FRS2: variants seen among roughly 807,000 people sequenced by gnomAD.
The protein encoded by FRS2 is FGFR signalling adaptor.
A neutral mutation model predicts 43.9 loss-of-function variants in FRS2; 8 were observed. The observed-to-expected ratio is 0.18, with a 90% confidence interval of 0.11 to 0.33. The LOEUF (loss-of-function observed/expected upper bound fraction) is 0.33, where lower values mean the gene tolerates loss of function less well. Ranked by LOEUF, FRS2 falls within the 10% of genes least tolerant of loss-of-function variation. The pLI is 1.00. For missense variants in FRS2, 534 were observed against 627.6 expected (o/e 0.85, Z 1.59); for synonymous variants, 219 against 220.3 (o/e 0.99, Z 0.05).
intron 1 of FRS2, among the ~76,000 whole-genome samples, chr12:69,470,907 C>G (rs934626543): frequency 6.6e-6 from 1 of 152,124 alleles, no homozygotes; most frequent in Non-Finnish European, 1.5e-5. Context: ...CAGACTCAAT[C>G]TTGGGCTCCA....
chr12:69,485,678 G>C (rs1871870372), intron 1 of FRS2, among the ~76,000 whole-genome samples: 2 of 151,758 alleles, frequency 1.3e-5, no homozygotes, highest in South Asian at 4.2e-4. Context: ...ATTTTGGCCA[G>C]GCTGGTCTGG....
intron 3 of FRS2, among the ~76,000 whole-genome samples, chr12:69,557,619 T>TGTGCGCGC (rs1555192498): frequency 0.026 from 3,042 of 118,788 alleles, 26 homozygotes; most frequent in Non-Finnish European, 0.028. Flanking sequence ...TGTGTGTGTG[T>TGTGCGCGC]GCGCGCGCGC....
In FRS2 at chr12:69,577,413, C is replaced by T. The variant is rs537435835; in HGVS notation, c.*2458C>T. On this transcript the variant is annotated 3_prime_UTR_variant, in exon 9 of 9. Coordinates refer to ENST00000549921, the MANE Select transcript of FRS2 (RefSeq NM_001278356.2). Reference sequence around the variant, plus strand: ...AGTAATGGGCATTAAGCTGTGTCCTCGAAGGATGTACCTATTACTAGGTGC... The same window carrying T: ...AGTAATGGGCATTAAGCTGTGTCCTTGAAGGATGTACCTATTACTAGGTGC... 2 of 152,124 alleles carry T rather than the reference C, an allele frequency of 1.3e-5. No homozygotes were observed. Among genetic ancestry groups the T allele is most frequent in the Admixed American group, 1.3e-4 (2 of 15,288 alleles). The allele number at this position is 152,124 out of a possible 1,614,324, so 9.4% of individuals were successfully genotyped here. A position where few individuals can be genotyped will look rare whatever the true frequency, so the allele number is the denominator to read the frequency against.
At chr12:69,567,264 T>C (rs1271547981) in intron 4 of FRS2, among the ~76,000 whole-genome samples, 1 of 152,242 alleles carries the variant, frequency 6.6e-6, no homozygotes, top group African/African-American at 2.4e-5. Context: ...TTAGCTGGCA[T>C]ATTAGTTAAA....
chr12:69,548,111 C>T (rs1176482868), intron 3 of FRS2, among the ~76,000 whole-genome samples: 1 of 152,088 alleles, frequency 6.6e-6, no homozygotes, highest in Non-Finnish European at 1.5e-5. Flanking sequence ...CCTTAGCCTC[C>T]CGAGTTGCTG....
rs193131135 is a variant in FRS2 at position 69,512,719 on chromosome 12, C to T, written c.-260-18146C>T. Among the ~76,000 whole-genome samples the T allele has an allele frequency of 6.0e-4, 91 of 152,184 alleles. 1 individual carries two copies. The highest frequency in any genetic ancestry group is 3.4e-3 in the Middle Eastern group (1 of 294). On this transcript the variant is annotated intron_variant, in intron 1 of 8. Coordinates refer to ENST00000549921, the MANE Select transcript of FRS2 (RefSeq NM_001278356.2). Reference sequence around the variant, plus strand: ...AATGATTTTACTTTATAACACATCCCGGGCATTACCTAGAAATGAAGTTAT... The same window carrying T: ...AATGATTTTACTTTATAACACATCCTGGGCATTACCTAGAAATGAAGTTAT...
At chr12:69,545,395 T>C (rs1426520321) in intron 3 of FRS2, among the ~76,000 whole-genome samples, 1 of 152,108 alleles carries the variant, frequency 6.6e-6, no homozygotes, top group Non-Finnish European at 1.5e-5. Flanking sequence ...ACTACAAAGC[T>C]ACAGTAATCA....
intron 1 of FRS2, among the ~76,000 whole-genome samples, chr12:69,492,378 T>G (rs994780251): frequency 1.1e-4 from 17 of 152,346 alleles, no homozygotes; most frequent in African/African-American, 4.1e-4. Flanking sequence ...GGGATCCTGA[T>G]ATCTGTGATT....
In FRS2 at chr12:69,571,519, A is replaced by T. The variant is rs710778; in HGVS notation, c.412+85A>T. The T allele has an allele frequency of 2.5e-3, 2,577 of 1,031,594 alleles. 47 individuals are homozygous for T. In the African/African-American group the frequency reaches 0.037, roughly 15 times the overall value. 63.9% of individuals were successfully genotyped at this position (1,031,594 alleles called of 1,614,324 possible). On this transcript the variant is annotated intron_variant, in intron 7 of 8. Transcript: ENST00000549921. ...ATTGTGGGTATTTAATCAATAACAC[A>T]CTAGAAATCACCACTGGATAACAGA...
intron 4 of FRS2, among the ~76,000 whole-genome samples, chr12:69,568,016 C>CCCTCCT (rs1264964566): frequency 3.3e-5 from 5 of 152,316 alleles, no homozygotes; most frequent in African/African-American, 9.6e-5. Context: ...GTGCTTCCTT[C>CCCTCCT]CCTCCTCCTT....
intron 4 of FRS2, among the ~76,000 whole-genome samples, chr12:69,566,145 T>C (rs1401618501): frequency 6.6e-6 from 1 of 152,180 alleles, no homozygotes; most frequent in South Asian, 2.1e-4. Context: ...ACATTTGTTA[T>C]GTGGCTCATG....
At position 69,579,412 on chromosome 12, in the gene FRS2, CA is replaced by C. The variant is rs59802887; in HGVS notation, c.*4460del. On this transcript the variant is annotated 3_prime_UTR_variant, in exon 9 of 9. Coordinates refer to ENST00000549921, the MANE Select transcript of FRS2 (RefSeq NM_001278356.2). ...TGGAGAAGTCAGAGTTCTTTACAAT[CA>C]AACGTTTATTAACTGGAGTACTTAG... The C allele has an allele frequency of 0.4, 61,027 of 152,454 alleles. 12,864 individuals are homozygous for C. Among genetic ancestry groups the C allele is most frequent in the South Asian group, 0.53 (2,534 of 4,822 alleles). 9.4% of individuals were successfully genotyped at this position (152,454 alleles called of 1,614,324 possible).
intron 1 of FRS2, among the ~76,000 whole-genome samples, chr12:69,491,908 T>C (rs1159561026): frequency 4.6e-5 from 7 of 152,242 alleles, no homozygotes; most frequent in African/African-American, 1.7e-4. Context: ...GGATATACAA[T>C]AGCATTTTTG....
intron 1 of FRS2, among the ~76,000 whole-genome samples, chr12:69,515,494 G>A (rs1422886380): frequency 6.6e-6 from 1 of 152,162 alleles, no homozygotes; most frequent in African/African-American, 2.4e-5. Context: ...GTGAGAGACA[G>A]GCTGACATAA....
intron 1 of FRS2, among the ~76,000 whole-genome samples, chr12:69,489,816 GTT>G (rs35733726): frequency 9.7e-5 from 14 of 144,754 alleles, no homozygotes; most frequent in Admixed American, 4.1e-4. Context: ...AGTTTTTGGG[GTT>G]TTTTTTTTTG....
At chr12:69,550,806 C>T (rs1312877750) in intron 3 of FRS2, among the ~76,000 whole-genome samples, 2 of 152,160 alleles carry the variant, frequency 1.3e-5, no homozygotes, top group Non-Finnish European at 2.9e-5. Flanking sequence ...AACTTTAAGG[C>T]TTCAACATGA....
intron 5 of FRS2, among the ~76,000 whole-genome samples, chr12:69,570,101 T>G (rs1880620946): frequency 6.6e-6 from 1 of 152,248 alleles, no homozygotes; most frequent in Non-Finnish European, 1.5e-5. Flanking sequence ...CTTTGTCAAT[T>G]AATCATACAC....
chr12:69,557,303 A>G (rs889218681), intron 3 of FRS2, among the ~76,000 whole-genome samples: 2 of 152,280 alleles, frequency 1.3e-5, no homozygotes, highest in African/African-American at 4.8e-5. Flanking sequence ...TTGATCTACA[A>G]TGTTTACAGA....
At chr12:69,489,841 G>T (rs1396935102) in intron 1 of FRS2, among the ~76,000 whole-genome samples, 1 of 150,394 alleles carries the variant, frequency 6.6e-6, no homozygotes. Flanking sequence ...TTTTCTGGGG[G>T]TCATTAGCCT....
Sources: gnomAD v4.1 joint callset for allele counts (sites outside exome capture counted in the v4.1 genomes callset) on GRCh38, gnomAD v4.1.1 for gene constraint, MANE v1.5 for transcripts, NCBI Gene and HGNC (gene_info 2026-07-23, HGNC 2026-07-21) for gene names.